The following PBRM1 variants were observed in gnomAD, a reference collection of about 807,000 sequenced individuals.
The protein encoded by PBRM1 is protein polybromo-1.
PBRM1 carries 27 observed loss-of-function variants against 194.5 expected under a neutral mutation model. The observed-to-expected ratio is 0.14, with a 90% confidence interval of 0.10 to 0.19. The LOEUF (loss-of-function observed/expected upper bound fraction) is 0.19. Among genes scored for constraint, PBRM1 ranks in the 10% least tolerant of loss-of-function variants. PBRM1 has a pLI of 1.00. For synonymous variants in PBRM1, 655 were observed against 693.2 expected (o/e 0.94, Z 0.87); for missense variants, 1,466 against 2,077.2 (o/e 0.71, Z 5.72).
intron 21 of PBRM1, among the ~76,000 whole-genome samples, 173 bp from the exon 24 acceptor site, chr3:52,576,871 G>C (rs1246761681): frequency 6.6e-6 from 1 of 152,074 alleles, no homozygotes; most frequent in Non-Finnish European, 1.5e-5. Context: ...CACATGAAAA[G>C]ATACTTAGAA....
chr3:52,567,455 G>C (rs2085616627), intron 22 of PBRM1, among the ~76,000 whole-genome samples: 1 of 150,838 alleles, frequency 6.6e-6, no homozygotes, highest in Non-Finnish European at 1.5e-5. Context: ...TTCCATAAAG[G>C]GTGTCCTAAT....
intron 22 of PBRM1, among the ~76,000 whole-genome samples, chr3:52,568,683 T>C (rs2086103435): frequency 6.6e-6 from 1 of 152,184 alleles, no homozygotes; most frequent in South Asian, 2.1e-4. Context: ...TTATTGAATT[T>C]CCAAACACCA....
chr3:52,588,242 T>C (rs893737152), intron 18 of PBRM1, among the ~76,000 whole-genome samples: 45 of 152,276 alleles, frequency 3.0e-4, no homozygotes, highest in Non-Finnish European at 4.0e-4. Context: ...AAGAACTGGA[T>C]TGCCTGGATC....
chr3:52,592,618 G>C lies in PBRM1; in HGVS notation c.2780-3363C>G, dbSNP rs565655014. On this transcript the variant is annotated intron_variant, in intron 17 of 29. Transcript: ENST00000296302. Reference sequence around the variant, plus strand: ...AATAAACATCAAGGATACTGGCCTAGTTTTTTCTGTTATCTCTGCCAGGTT... The same window carrying C: ...AATAAACATCAAGGATACTGGCCTACTTTTTTCTGTTATCTCTGCCAGGTT... 3.9e-5 allele frequency among the ~76,000 whole-genome samples: 6 copies of C among 152,216 alleles called. 1 individual carries two copies. In the South Asian group the frequency reaches 1.2e-3, roughly 32 times the overall value.
Position 52,627,571 on chromosome 3 carries a change from T to C in PBRM1, c.1444-201A>G, listed in dbSNP as rs1468878915. 2.0e-5 allele frequency among the ~76,000 whole-genome samples: 3 copies of C among 152,154 alleles called. No homozygotes were observed. The South Asian group carries it at 6.2e-4, about 32-fold the overall frequency. On this transcript the variant is annotated intron_variant, in intron 12 of 29. Coordinates refer to ENST00000296302, the Ensembl canonical transcript of PBRM1. Reference sequence around the variant, plus strand: ...ATGACAAAAAGAGTAGGTTAAAAAATGGTTCTACAGGGTTGAGGAGTCAAT... The same window carrying C: ...ATGACAAAAAGAGTAGGTTAAAAAACGGTTCTACAGGGTTGAGGAGTCAAT...
At chr3:52,586,345 T>G (rs1231886654) in intron 20 of PBRM1, 80 bp downstream of exon 22, 1 of 1,227,054 alleles carries the variant, frequency 8.1e-7, no homozygotes, top group Admixed American at 2.2e-5. Context: ...TTTTCTAAGT[T>G]TGAATACTTT....
intron 11 of PBRM1, among the ~76,000 whole-genome samples, chr3:52,629,462 G>C (rs2095547800): frequency 6.6e-6 from 1 of 152,070 alleles, no homozygotes; most frequent in Non-Finnish European, 1.5e-5. Context: ...AAAATAAAAG[G>C]CCATTCTAGT....
intron 11 of PBRM1, 129 bp downstream of exon 12, chr3:52,634,473 A>C: frequency 1.6e-6 from 1 of 643,248 alleles, no homozygotes; most frequent in East Asian, 2.7e-5. Context: ...GAACAGTTAA[A>C]ATTTGAGGTT....
chr3:52,655,064 T>C (rs1254810408), intron 5 of PBRM1, among the ~76,000 whole-genome samples: 1 of 152,152 alleles, frequency 6.6e-6, no homozygotes, highest in East Asian at 1.9e-4. Flanking sequence ...TTTTATAATT[T>C]TTTTTACTGT....
At chr3:52,575,151 T>G (rs2089040332) in intron 22 of PBRM1, among the ~76,000 whole-genome samples, 1 of 152,054 alleles carries the variant, frequency 6.6e-6, no homozygotes, top group Non-Finnish European at 1.5e-5. Context: ...GACCTGCCCA[T>G]GTCAGCCTCC....
upstream of PBRM1, among the ~76,000 whole-genome samples, chr3:52,682,970 C>T (rs759954018): frequency 3.3e-5 from 5 of 151,976 alleles, no homozygotes; most frequent in African/African-American, 4.8e-5. Flanking sequence ...GAGGCTAAGG[C>T]GGATGGATCA....
chr3:52,650,954 CT>C (rs775508403), intron 6 of PBRM1, among the ~76,000 whole-genome samples: 4 of 152,192 alleles, frequency 2.6e-5, no homozygotes, highest in Non-Finnish European at 5.9e-5. Context: ...AGCACCTACT[CT>C]GTACAGAAAC....
chr3:52,577,194 G>A (rs2089871392), intron 21 of PBRM1, among the ~76,000 whole-genome samples: 1 of 152,144 alleles, frequency 6.6e-6, no homozygotes, highest in South Asian at 2.1e-4. Context: ...ACTTTGGGAG[G>A]CCAAGGTGGG....
At chr3:52,664,535 A>G (rs1203613831) in intron 3 of PBRM1, among the ~76,000 whole-genome samples, 1 of 151,848 alleles carries the variant, frequency 6.6e-6, no homozygotes, top group East Asian at 1.9e-4. Context: ...CGGGAGTTCA[A>G]GTCCAGCCTG....
exon 12 of PBRM1, chr3:52,628,999 A>G (rs1242805336): frequency 6.2e-7 from 1 of 1,610,106 alleles, no homozygotes; most frequent in African/African-American, 1.3e-5. Flanking sequence ...ACTCCAAATG[A>G]TCTAAAGTTT....
At chr3:52,657,538 C>G (rs1412532692) in intron 5 of PBRM1, among the ~76,000 whole-genome samples, 1 of 150,618 alleles carries the variant, frequency 6.6e-6, no homozygotes, top group East Asian at 2.0e-4. Flanking sequence ...GGCATGATGT[C>G]AGCTCACTGT....
upstream of PBRM1, chr3:52,679,755 C>A (rs2154068078): frequency 6.3e-7 from 1 of 1,585,868 alleles, no homozygotes. Context: ...CATGTTCTTA[C>A]ATTTAAATAG....
At chr3:52,620,565 G>A (rs954593270) in intron 13 of PBRM1, among the ~76,000 whole-genome samples, 2 of 152,144 alleles carry the variant, frequency 1.3e-5, no homozygotes, top group African/African-American at 4.8e-5. Flanking sequence ...TAAATCTAGG[G>A]CAGATTTTTA....
At chr3:52,610,759 C>A (rs1162944677) in intron 15 of PBRM1, among the ~76,000 whole-genome samples, 1 of 152,092 alleles carries the variant, frequency 6.6e-6, no homozygotes, top group African/African-American at 2.4e-5. Flanking sequence ...GCCAACATGG[C>A]GAAACCCTGT....
Sources: allele counts gnomAD v4.1 joint callset (sites outside exome capture counted in the v4.1 genomes callset), GRCh38; gene constraint gnomAD v4.1.1; transcripts MANE v1.5; gene names NCBI Gene and HGNC (gene_info 2026-07-23, HGNC 2026-07-21).